PRR5L: variants seen among roughly 807,000 people sequenced by gnomAD.
PRR5L encodes proline-rich protein 5-like.
In PRR5L, 21 loss-of-function variants were observed where a neutral mutation model predicts 36.4. That is an observed-to-expected ratio of 0.58 (90% CI 0.41 to 0.83). PRR5L has a LOEUF of 0.83. Among genes scored for constraint, PRR5L ranks in the 40% least tolerant of loss-of-function variants. The pLI is 0.00. For missense variants in PRR5L, 381 were observed against 473.3 expected (o/e 0.80, Z 1.81); for synonymous variants, 188 against 197.0 (o/e 0.95, Z 0.38).
chr11:36,325,435 A>T (rs895589951), intron 1 of PRR5L, among the ~76,000 whole-genome samples: 3 of 152,238 alleles, frequency 2.0e-5, no homozygotes, highest in African/African-American at 7.2e-5. Context: ...AAGACAGTGC[A>T]GTTGCAAGAT....
intron 1 of PRR5L, among the ~76,000 whole-genome samples, chr11:36,356,214 C>T (rs1314375848): frequency 6.6e-6 from 1 of 152,158 alleles, no homozygotes; most frequent in African/African-American, 2.4e-5. Flanking sequence ...GCCCAGCCAA[C>T]ACCTGATCTA....
At chr11:36,439,290 G>A (rs566599132) in intron 6 of PRR5L, among the ~76,000 whole-genome samples, 2 of 152,178 alleles carry the variant, frequency 1.3e-5, no homozygotes, top group Non-Finnish European at 2.9e-5. Context: ...GGAGAGTGCA[G>A]GATCTGGGTG....
intron 1 of PRR5L, among the ~76,000 whole-genome samples, chr11:36,334,062 G>C (rs1856745387): frequency 6.6e-6 from 1 of 152,126 alleles, no homozygotes; most frequent in African/African-American, 2.4e-5. Flanking sequence ...ATGGAGGAAG[G>C]GCCAAAGAAA....
chr11:36,312,317 A>T (rs544501532), intron 1 of PRR5L, among the ~76,000 whole-genome samples: 3 of 152,200 alleles, frequency 2.0e-5, no homozygotes, highest in Admixed American at 1.3e-4. Context: ...AAGGGAAAAA[A>T]GGTGGGGGAA....
chr11:36,368,290 A>AT (rs943311296), intron 1 of PRR5L, among the ~76,000 whole-genome samples: 13 of 152,154 alleles, frequency 8.5e-5, no homozygotes, highest in Non-Finnish European at 1.8e-4. Context: ...GGGGCAGGGG[A>AT]TAGCGAGTAG....
chr11:36,462,662 A>T lies in PRR5L; in HGVS notation c.1033A>T (p.Asn345Tyr). 1 of 1,610,004 alleles carries T rather than the reference A, an allele frequency of 6.2e-7. No homozygotes were observed. ...CTCCAGTGAGCCCAACATCACTGAC[A>T]ACCCTGACGGACTGGAGGAGGGGGC... ...QCSSEPNITD[N>Y]PDGLEEGARG... The change falls in exon 9 of 9, where the codon AAC becomes TAC. Residue 345 changes from asparagine (N) to tyrosine (Y), a missense_variant. By Grantham distance (143) the Asn-to-Tyr change is moderately radical. Transcript: ENST00000530639.
chr11:36,296,984 T>C (rs1328416635), intron 1 of PRR5L, among the ~76,000 whole-genome samples: 1 of 152,238 alleles, frequency 6.6e-6, no homozygotes, highest in Non-Finnish European at 1.5e-5. Flanking sequence ...GAGGCAATGA[T>C]ATATGATGAT....
At chr11:36,400,620 T>G (rs1857770814) in intron 1 of PRR5L, among the ~76,000 whole-genome samples, 1 of 152,194 alleles carries the variant, frequency 6.6e-6, no homozygotes, top group Non-Finnish European at 1.5e-5. Flanking sequence ...TGAGGAGCTC[T>G]TGTGTCCTCC....
At chr11:36,366,976 C>T (rs1435897145) in intron 1 of PRR5L, among the ~76,000 whole-genome samples, 1 of 152,156 alleles carries the variant, frequency 6.6e-6, no homozygotes, top group East Asian at 1.9e-4. Flanking sequence ...TTTCCTTATT[C>T]CATTCGCCTT....
chr11:36,378,720 C>G (rs1857319043), intron 1 of PRR5L, among the ~76,000 whole-genome samples: 1 of 152,164 alleles, frequency 6.6e-6, no homozygotes, highest in Non-Finnish European at 1.5e-5. Flanking sequence ...GGGAAAGGTG[C>G]AAATGCCTCT....
chr11:36,420,317 A>G (rs371637799), intron 4 of PRR5L, among the ~76,000 whole-genome samples: 1 of 152,186 alleles, frequency 6.6e-6, no homozygotes, highest in Non-Finnish European at 1.5e-5. Flanking sequence ...AGCACTCTGT[A>G]CGTAGTGTGT....
intron 4 of PRR5L, among the ~76,000 whole-genome samples, chr11:36,427,478 C>T (rs1858406461): frequency 6.6e-6 from 1 of 152,146 alleles, no homozygotes; most frequent in Admixed American, 6.5e-5. Flanking sequence ...ACAGCTCCAT[C>T]ACTACAGCTC....
At chr11:36,460,068 C>T (rs1397950931) in intron 8 of PRR5L, among the ~76,000 whole-genome samples, 1 of 152,156 alleles carries the variant, frequency 6.6e-6, no homozygotes, top group Non-Finnish European at 1.5e-5. Context: ...TGTAGCATTT[C>T]CCAGTTTTTA....
rs547824277 is a variant in PRR5L, at chr11:36,342,087, CT to C, written c.-126+45654del. Reference sequence around the variant, plus strand: ...TCTGAACGTCTTGATGGAGGCAGATCTTTTTGGGAGGATACAGCAGACTCAA... The same window carrying C: ...TCTGAACGTCTTGATGGAGGCAGATCTTTTGGGAGGATACAGCAGACTCAA... On this transcript the variant is annotated intron_variant, in intron 1 of 8. Coordinates refer to ENST00000530639, the MANE Select transcript of PRR5L (RefSeq NM_001160167.2). Among the ~76,000 whole-genome samples the C allele has an allele frequency of 2.9e-3, 435 of 152,228 alleles. 6 individuals carry two copies. The highest frequency in any genetic ancestry group is 9.7e-3 in the African/African-American group (403 of 41,528).
chr11:36,380,545 C>G (rs1307073348), intron 1 of PRR5L: 1 of 151,944 alleles, frequency 6.6e-6, no homozygotes, highest in Non-Finnish European at 1.5e-5. Context: ...GATTAATCCT[C>G]GGATTTCATG....
At chr11:36,357,898 G>A (rs1184857939) in intron 1 of PRR5L, among the ~76,000 whole-genome samples, 1 of 152,206 alleles carries the variant, frequency 6.6e-6, no homozygotes, top group African/African-American at 2.4e-5. Flanking sequence ...CGTTTTGTAA[G>A]GCTAAAGCTG....
At chr11:36,391,499 G>T (rs542270747) in intron 1 of PRR5L, among the ~76,000 whole-genome samples, 14 of 152,270 alleles carry the variant, frequency 9.2e-5, no homozygotes, top group Admixed American at 3.9e-4. Context: ...AACTGCCACC[G>T]AATTTCCCGG....
intron 1 of PRR5L, among the ~76,000 whole-genome samples, chr11:36,308,847 G>C (rs1565377003): frequency 6.6e-6 from 1 of 152,188 alleles, no homozygotes; most frequent in Non-Finnish European, 1.5e-5. Flanking sequence ...CAACAGAAGA[G>C]CATAACTTGG....
At chr11:36,381,419 C>A (rs1337411433) in intron 1 of PRR5L, among the ~76,000 whole-genome samples, 1 of 64,838 alleles carries the variant, frequency 1.5e-5, no homozygotes, top group Non-Finnish European at 2.9e-5. Flanking sequence ...TTGTTTTTAT[C>A]TTTTTCCCAA....
Sources: gnomAD v4.1 joint callset for allele counts (sites outside exome capture counted in the v4.1 genomes callset) on GRCh38, gnomAD v4.1.1 for gene constraint, MANE v1.5 for transcripts, NCBI Gene and HGNC (gene_info 2026-07-23, HGNC 2026-07-21) for gene names.